The following NELL1 variants were observed in gnomAD, a reference collection of about 807,000 sequenced individuals.
NELL1 encodes neural EGFL like 1.
NELL1 carries 76 observed loss-of-function variants against 107.4 expected under a neutral mutation model. That is an observed-to-expected ratio of 0.71 (90% CI 0.59 to 0.86). The LOEUF (loss-of-function observed/expected upper bound fraction) is 0.86, where lower values mean the gene tolerates loss of function less well. Among genes scored for constraint, NELL1 ranks in the 40% least tolerant of loss-of-function variants. NELL1 has a pLI of 0.00. For missense variants in NELL1, 1,024 were observed against 1,005.5 expected (o/e 1.02, Z -0.25); for synonymous variants, 353 against 341.2 (o/e 1.03, Z -0.38).
At chr11:20,898,852 C>G (rs1188459708) in intron 5 of NELL1, among the ~76,000 whole-genome samples, 1 of 151,884 alleles carries the variant, frequency 6.6e-6, no homozygotes, top group African/African-American at 2.4e-5. Flanking sequence ...ATAAATAAAA[C>G]TAGGGAAGTC....
At chr11:20,749,999 C>A (rs1457959924) in intron 2 of NELL1, among the ~76,000 whole-genome samples, 1 of 152,042 alleles carries the variant, frequency 6.6e-6, no homozygotes, top group African/African-American at 2.4e-5. Flanking sequence ...GTAGATGTAA[C>A]TTTATAAGAA....
At chr11:21,440,306 T>TTG (rs1554912488) in intron 15 of NELL1, among the ~76,000 whole-genome samples, 2 of 142,008 alleles carry the variant, frequency 1.4e-5, no homozygotes, top group African/African-American at 5.2e-5. Context: ...AAAAGTAAGT[T>TTG]TTTTTTTTTT....
intron 12 of NELL1, among the ~76,000 whole-genome samples, chr11:21,066,669 G>A (rs1853879082): frequency 6.6e-6 from 1 of 152,066 alleles, no homozygotes; most frequent in Non-Finnish European, 1.5e-5. Flanking sequence ...AGAGTTCCAG[G>A]TCCAGTGTGG....
chr11:20,697,641 C>T (rs1021170782), intron 2 of NELL1, among the ~76,000 whole-genome samples: 17 of 152,016 alleles, frequency 1.1e-4, no homozygotes, highest in South Asian at 4.1e-4. Flanking sequence ...GCCTCAACTA[C>T]GTTACAGTTC....
chr11:21,523,650 A>G (rs1855781911), intron 15 of NELL1, among the ~76,000 whole-genome samples: 2 of 151,972 alleles, frequency 1.3e-5, no homozygotes, highest in East Asian at 1.9e-4. Context: ...CTCCTCTCCA[A>G]TACTCTGCTT....
chr11:21,569,808 A>C (rs1193852685), intron 17 of NELL1, among the ~76,000 whole-genome samples: 1 of 151,820 alleles, frequency 6.6e-6, no homozygotes, highest in Admixed American at 6.6e-5. Flanking sequence ...CAAGCACTTC[A>C]GCAGTTGAAT....
chr11:20,790,487 G>A (rs1226011876), intron 3 of NELL1, among the ~76,000 whole-genome samples: 2 of 152,234 alleles, frequency 1.3e-5, no homozygotes, highest in Non-Finnish European at 2.9e-5. Flanking sequence ...GCCTACAAGT[G>A]CAGTGGGGTC....
chr11:21,148,981 C>G (rs1373646806), intron 13 of NELL1, among the ~76,000 whole-genome samples: 2 of 152,172 alleles, frequency 1.3e-5, no homozygotes, highest in Non-Finnish European at 2.9e-5. Flanking sequence ...CTTCCCTACT[C>G]TGTCTCTTTC....
chr11:21,402,780 C>G (rs1364589786), intron 15 of NELL1, among the ~76,000 whole-genome samples: 2 of 151,452 alleles, frequency 1.3e-5, no homozygotes, highest in African/African-American at 4.9e-5. Context: ...AGTCCTTAAC[C>G]TAAGAGAAAG....
intron 4 of NELL1, among the ~76,000 whole-genome samples, chr11:20,866,511 C>G (rs191466976): frequency 6.6e-6 from 1 of 152,272 alleles, no homozygotes; most frequent in East Asian, 1.9e-4. Flanking sequence ...TGCTGAGAAA[C>G]AGATGAAAAG....
At chr11:21,325,413 C>G (rs1225138420) in intron 14 of NELL1, among the ~76,000 whole-genome samples, 1 of 152,026 alleles carries the variant, frequency 6.6e-6, no homozygotes, top group Non-Finnish European at 1.5e-5. Flanking sequence ...AGGATTTCCA[C>G]TAAGGCTACA....
intron 9 of NELL1, among the ~76,000 whole-genome samples, chr11:20,935,197 A>C (rs1337145058): frequency 6.6e-6 from 1 of 152,196 alleles, no homozygotes; most frequent in Non-Finnish European, 1.5e-5. Context: ...TGTACAATTA[A>C]ATGGGAAATT....
At chr11:21,338,653 A>G (rs1240078590) in intron 14 of NELL1, among the ~76,000 whole-genome samples, 1 of 152,066 alleles carries the variant, frequency 6.6e-6, no homozygotes, top group Non-Finnish European at 1.5e-5. Context: ...TCATCCCTTG[A>G]AACTACTGGC....
intron 13 of NELL1, chr11:21,170,032 C>T (rs1856570155): frequency 5.9e-6 from 7 of 1,182,052 alleles, no homozygotes; most frequent in Non-Finnish European, 8.9e-6. Flanking sequence ...GGGTTGTCAT[C>T]AGCACAGACC....
chr11:21,187,833 A>C (rs1445249381), intron 13 of NELL1, among the ~76,000 whole-genome samples: 4 of 151,946 alleles, frequency 2.6e-5, no homozygotes, highest in Admixed American at 2.0e-4. Context: ...AGACTTTTAG[A>C]GCAGCATGTA....
intron 2 of NELL1, among the ~76,000 whole-genome samples, chr11:20,727,306 G>A (rs1191173682): frequency 6.6e-6 from 1 of 152,144 alleles, no homozygotes; most frequent in Admixed American, 6.5e-5. Flanking sequence ...GTGTGAGATG[G>A]TATCTCATTG....
chr11:21,012,142 G>T (rs752408849), intron 12 of NELL1, among the ~76,000 whole-genome samples: 1 of 152,098 alleles, frequency 6.6e-6, no homozygotes. Flanking sequence ...CACTGCAGCC[G>T]CTCTACTTTT....
chr11:20,738,619 G>C (rs1237645088), intron 2 of NELL1, among the ~76,000 whole-genome samples: 1 of 152,126 alleles, frequency 6.6e-6, no homozygotes, highest in Non-Finnish European at 1.5e-5. Context: ...CCCAGGTTCT[G>C]GACTTGGACC....
At chr11:20,740,365 C>A (rs1301518522) in intron 2 of NELL1, among the ~76,000 whole-genome samples, 1 of 152,200 alleles carries the variant, frequency 6.6e-6, no homozygotes, top group Non-Finnish European at 1.5e-5. Context: ...GGAGCAGGAA[C>A]CCCATGTTTA....
Sources: gnomAD v4.1 joint callset for allele counts (sites outside exome capture counted in the v4.1 genomes callset) on GRCh38, gnomAD v4.1.1 for gene constraint, MANE v1.5 for transcripts, NCBI Gene and HGNC (gene_info 2026-07-23, HGNC 2026-07-21) for gene names.